The following ACTR8 variants were observed in gnomAD, a reference collection of about 807,000 sequenced individuals.
The protein encoded by ACTR8 is actin-related protein 8.
A neutral mutation model predicts 84.3 loss-of-function variants in ACTR8; 70 were observed. That is an observed-to-expected ratio of 0.83 (90% CI 0.68 to 1.01). The LOEUF (loss-of-function observed/expected upper bound fraction) is 1.01, where lower values mean the gene tolerates loss of function less well. Among genes scored for constraint, ACTR8 ranks in the 50% least tolerant of loss-of-function variants. The pLI, the probability that ACTR8 is intolerant of heterozygous loss-of-function variation, is 0.00. For missense variants in ACTR8, 672 were observed against 775.4 expected (o/e 0.87, Z 1.58); for synonymous variants, 268 against 275.2 (o/e 0.97, Z 0.26).
At chr3:53,871,539 C>A in intron 10 of ACTR8, 43 bp from the exon 11 acceptor site, 1 of 1,605,146 alleles carries the variant, frequency 6.2e-7, no homozygotes, top group Admixed American at 1.7e-5. Context: ...ATTACAACAA[C>A]AGAACACTAT....
At chr3:53,869,734 C>G (rs1699856138) in intron 12 of ACTR8, among the ~76,000 whole-genome samples, 1 of 152,166 alleles carries the variant, frequency 6.6e-6, no homozygotes, top group African/African-American at 2.4e-5. Flanking sequence ...CCACCTGATC[C>G]TTTAACAAAG....
downstream of ACTR8, chr3:53,865,187 G>C (rs1167369645): frequency 1.9e-6 from 3 of 1,614,052 alleles, no homozygotes; most frequent in Non-Finnish European, 2.5e-6. Flanking sequence ...CTCAGTGTCT[G>C]CCCCAAGTAC....
chr3:53,878,285 G>C (rs1700005367), intron 3 of ACTR8, 72 bp downstream of exon 3: 6 of 1,148,404 alleles, frequency 5.2e-6, no homozygotes, highest in Non-Finnish European at 7.8e-6. Context: ...TAGTGGTATA[G>C]GAAGAACATG....
At chr3:53,877,507 G>C (rs1238164949) in intron 4 of ACTR8, 120 bp from the exon 5 acceptor site, 2 of 1,320,476 alleles carry the variant, frequency 1.5e-6, no homozygotes, top group African/African-American at 3.0e-5. Context: ...GAGTGAAGTA[G>C]GAGTCGGTGT....
In ACTR8 at chr3:53,872,380, G is replaced by T. The variant is rs367777535; in HGVS notation, c.1302+4C>A. 6.3e-7 allele frequency: 1 copy of T among 1,578,668 alleles called. No homozygotes were observed. The highest frequency in any genetic ancestry group is 8.6e-7 in the Non-Finnish European group (1 of 1,165,968). ...TCTCTTCTCCTACCAGAATTGCTACGGACCTGTTCTTGTTTGCTCTGTGTG... is the reference window on the plus strand; with the variant it reads ...TCTCTTCTCCTACCAGAATTGCTACTGACCTGTTCTTGTTTGCTCTGTGTG... On this transcript the variant is annotated splice_donor_region_variant and intron_variant, in intron 10 of 12. Coordinates refer to ENST00000335754, the MANE Select transcript of ACTR8 (RefSeq NM_022899.5).
At chr3:53,863,391 G>A (rs910874434), downstream of ACTR8, among the ~76,000 whole-genome samples, 1 of 150,472 alleles carries the variant, frequency 6.6e-6, no homozygotes, top group African/African-American at 2.4e-5. Context: ...GCTCAAGGCA[G>A]AGCTATTAAA....
chr3:53,865,095 T>C, downstream of ACTR8: 4 of 1,614,122 alleles, frequency 2.5e-6, no homozygotes, highest in Non-Finnish European at 3.4e-6. Flanking sequence ...TTTTCTGCAG[T>C]GATCTAAGAA....
In ACTR8 at chr3:53,878,545, C is replaced by T. The variant is rs1035220732; in HGVS notation, c.295-78G>A. ...GCAATTCAAAAACTACTAATTTAATCCAATCTTTGGAAATGCTCCTTCATC... is the reference window on the plus strand; with the variant it reads ...GCAATTCAAAAACTACTAATTTAATTCAATCTTTGGAAATGCTCCTTCATC... On this transcript the variant is annotated intron_variant, in intron 2 of 12. Transcript: ENST00000335754. The T allele has an allele frequency of 2.5e-5, 22 of 863,378 alleles. No homozygotes were observed. The East Asian group carries it at 5.4e-4, about 21-fold the overall frequency. The allele number at this position is 863,378 out of a possible 1,614,324, so 53.5% of individuals were successfully genotyped here. A position where few individuals can be genotyped will look rare whatever the true frequency, so the allele number is the denominator to read the frequency against.
intron 2 of ACTR8, among the ~76,000 whole-genome samples, chr3:53,879,698 TTG>T (rs1158183393): frequency 6.6e-6 from 1 of 152,224 alleles, no homozygotes; most frequent in African/African-American, 2.4e-5. Flanking sequence ...AGTGATGATT[TTG>T]TGTCTTCCAT....
At chr3:53,860,318 T>C in the ACTR8 span, 5 of 1,030,864 alleles carry the variant, frequency 4.9e-6, no homozygotes, top group Non-Finnish European at 7.4e-6. Context: ...GGCAATCACA[T>C]GTTGGCGTTT....
chr3:53,879,383 T>C (rs1421390765), intron 2 of ACTR8, among the ~76,000 whole-genome samples: 1 of 152,194 alleles, frequency 6.6e-6, no homozygotes, highest in African/African-American at 2.4e-5. Context: ...CAAAGTAAAA[T>C]GTGGATTATG....
downstream of ACTR8, among the ~76,000 whole-genome samples, chr3:53,866,176 G>A (rs180805098): frequency 3.9e-5 from 6 of 152,266 alleles, no homozygotes; most frequent in Admixed American, 1.3e-4. Flanking sequence ...CAAAAGGATC[G>A]CTCAAGACCA....
At chr3:53,874,695 C>T (rs1008786301) in intron 7 of ACTR8, among the ~76,000 whole-genome samples, 2 of 151,710 alleles carry the variant, frequency 1.3e-5, no homozygotes, top group African/African-American at 4.8e-5. Context: ...CACTGCACTG[C>T]AGCCTGGGTG....
In ACTR8 at chr3:53,873,574, A is replaced by C. The variant is rs938521220; in HGVS notation, c.1066-447T>G. Among the ~76,000 whole-genome samples, 3 of 152,250 alleles carry C rather than the reference A, an allele frequency of 2.0e-5. No individual in the cohort carries two copies. In the South Asian group the frequency reaches 6.2e-4, roughly 32 times the overall value. Reference sequence around the variant, plus strand: ...GAAAGTGCTTCAAATTATAACATTTAACAAAATGTCTGTTCTTACATATTT... The same window carrying C: ...GAAAGTGCTTCAAATTATAACATTTCACAAAATGTCTGTTCTTACATATTT... On this transcript the variant is annotated intron_variant, in intron 8 of 12. Coordinates refer to ENST00000335754, the MANE Select transcript of ACTR8 (RefSeq NM_022899.5).
At chr3:53,871,013 T>C in intron 11 of ACTR8, 2 of 574,270 alleles carry the variant, frequency 3.5e-6, no homozygotes, top group Non-Finnish European at 5.9e-6. Context: ...AATTTCACAT[T>C]TGTGTAATAA....
At position 53,869,981 on chromosome 3, in the gene ACTR8, C is replaced by A. The variant is rs778593714; in HGVS notation, c.1731+1G>T. On this transcript the variant is annotated splice_donor_variant, in intron 12 of 12. Transcript: ENST00000335754. LOFTEE classifies it high-confidence loss of function. ...CCAACTTGCACAATGAAACAACCTA[C>A]CTTAGGCCTTGTGATCACATCCACA... is the stretch of plus-strand genomic sequence containing the variant. 1 of 1,614,038 alleles carries A rather than the reference C, an allele frequency of 6.2e-7. No homozygotes were observed. Among genetic ancestry groups the A allele is most frequent in the South Asian group, 1.1e-5 (1 of 91,068 alleles).
At position 53,873,943 on chromosome 3, in the gene ACTR8, G is replaced by A. The variant is rs565170676; in HGVS notation, c.1065+268C>T. Among the ~76,000 whole-genome samples, 4 of 152,256 alleles carry A rather than the reference G, an allele frequency of 2.6e-5. No individual in the cohort carries two copies. In the South Asian group the frequency reaches 8.3e-4, roughly 32 times the overall value. On this transcript the variant is annotated intron_variant, in intron 8 of 12. Transcript: ENST00000335754. ...AGGTTCACGCCATTCTCCCGCCTCAGCCTCCCGAGTAGCTGGGACTACAGG... is the reference window on the plus strand; with the variant it reads ...AGGTTCACGCCATTCTCCCGCCTCAACCTCCCGAGTAGCTGGGACTACAGG...
chr3:53,863,011 GA>G (rs1699621582), downstream of ACTR8, among the ~76,000 whole-genome samples: 1 of 152,136 alleles, frequency 6.6e-6, no homozygotes, highest in Non-Finnish European at 1.5e-5. Flanking sequence ...TACTCAACAA[GA>G]TGATGACAAG....
chr3:53,861,241 T>C, the ACTR8 span: 3 of 152,176 alleles, frequency 2.0e-5, no homozygotes, highest in Non-Finnish European at 4.4e-5. Flanking sequence ...GAAGTGCCAC[T>C]AGTAATGCTG....
Sources: allele counts gnomAD v4.1 joint callset (sites outside exome capture counted in the v4.1 genomes callset), GRCh38; gene constraint gnomAD v4.1.1; transcripts MANE v1.5; gene names NCBI Gene and HGNC (gene_info 2026-07-23, HGNC 2026-07-21).